Variants in METTL22 observed in about 807,000 individuals in gnomAD.
METTL22 encodes the protein methyltransferase-like protein 22.
A neutral mutation model predicts 48.4 loss-of-function variants in METTL22; 51 were observed. The ratio of observed to expected loss-of-function variants is 1.05; its 90% confidence interval spans 0.84 to 1.33. The LOEUF (loss-of-function observed/expected upper bound fraction) is 1.33, where lower values mean the gene tolerates loss of function less well. Ranked by LOEUF, METTL22 falls within the 40% of genes most tolerant of loss-of-function variation. The pLI is 0.00. For synonymous variants in METTL22, 255 were observed against 214.1 expected, an observed-to-expected ratio of 1.19 and a Z score of -1.67; for missense variants, 678 against 526.9, an observed-to-expected ratio of 1.29 and a Z score of -2.81.
At chr16:8,638,377 C>G (rs908642097) in intron 5 of METTL22, among the ~76,000 whole-genome samples, 6 of 152,154 alleles carry the variant, frequency 3.9e-5, no homozygotes, top group African/African-American at 1.4e-4. Flanking sequence ...TTTCTACATG[C>G]ACATTCTTCT....
At chr16:8,636,625 C>G (rs1623191) in intron 5 of METTL22, among the ~76,000 whole-genome samples, 146,960 of 148,812 alleles carry the variant, frequency 0.99, 72,597 homozygotes, top group Middle Eastern at 1. Context: ...TTTGGCCATT[C>G]CTATGGGTTT....
chr16:8,665,177 A>C, the METTL22 span, among the ~76,000 whole-genome samples: 1 of 152,176 alleles, frequency 6.6e-6, no homozygotes, highest in Non-Finnish European at 1.5e-5. Flanking sequence ...ATAGTGGTGC[A>C]CATCTGTAGA....
At chr16:8,631,342 G>A (rs959769898) in intron 3 of METTL22, 3 of 152,192 alleles carry the variant, frequency 2.0e-5, no homozygotes, top group African/African-American at 7.2e-5. Context: ...CCCCACTGTA[G>A]AAATAAAGTG....
At chr16:8,655,261 T>C in the METTL22 span, among the ~76,000 whole-genome samples, 1 of 152,218 alleles carries the variant, frequency 6.6e-6, no homozygotes, top group Admixed American at 6.5e-5. Flanking sequence ...TGTGGTCTCA[T>C]CTGAAGGTTC....
At chr16:8,622,423 G>A (rs2055884371) in intron 1 of METTL22, among the ~76,000 whole-genome samples, 2 of 152,132 alleles carry the variant, frequency 1.3e-5, no homozygotes, top group African/African-American at 2.4e-5. Context: ...CCAAGAACAC[G>A]TTAGCTCCTG....
downstream of METTL22, among the ~76,000 whole-genome samples, chr16:8,651,319 G>A (rs576367857): frequency 7.5e-4 from 106 of 141,008 alleles, 1 homozygote; most frequent in Admixed American, 3.6e-3. Context: ...CCCGGGAGGC[G>A]GAGCTTGCAG....
At chr16:8,666,109 G>A in the METTL22 span, among the ~76,000 whole-genome samples, 2 of 152,288 alleles carry the variant, frequency 1.3e-5, no homozygotes, top group African/African-American at 4.8e-5. Flanking sequence ...CACCCTGAGG[G>A]TGTTCTTTGG....
the METTL22 span, among the ~76,000 whole-genome samples, chr16:8,662,727 A>G: frequency 7.0e-6 from 1 of 143,862 alleles, no homozygotes; most frequent in Admixed American, 7.1e-5. Context: ...CAGAGGCAAT[A>G]AAGCTTGATG....
At chr16:8,651,771 A>T (rs1278147707), downstream of METTL22, among the ~76,000 whole-genome samples, 2 of 152,194 alleles carry the variant, frequency 1.3e-5, no homozygotes, top group Non-Finnish European at 2.9e-5. Flanking sequence ...GAGAGAGAGA[A>T]AAGTCATGCT....
intron 1 of METTL22, among the ~76,000 whole-genome samples, chr16:8,622,600 TTTTC>T (rs1360836644): frequency 7.2e-5 from 11 of 152,238 alleles, no homozygotes; most frequent in African/African-American, 2.4e-4. Context: ...CTGTTACCTT[TTTTC>T]TTTCTTCCCA....
At chr16:8,644,475 A>T (rs1176537532) in intron 9 of METTL22, 82 bp from the exon 10 acceptor site, 7 of 1,389,632 alleles carry the variant, frequency 5.0e-6, no homozygotes, top group Non-Finnish European at 6.9e-6. Context: ...TCAGTGAGGG[A>T]TAGGAAAGCA....
chr16:8,644,499 C>T, intron 9 of METTL22, 58 bp from the exon 10 acceptor site: 1 of 1,491,134 alleles, frequency 6.7e-7, no homozygotes, highest in Non-Finnish European at 9.0e-7. Flanking sequence ...TGGGCAGAAA[C>T]AGCAAAACCC....
chr16:8,646,367 T>G lies in METTL22; in HGVS notation c.*224T>G. On this transcript the variant is annotated 3_prime_UTR_variant, in exon 11 of 11. Coordinates refer to ENST00000381920, the MANE Select transcript of METTL22 (RefSeq NM_024109.4). ...CTGGAGGTCACTTTAGTTGCCTGTT[T>G]CTCATGGTTGTGATGTGTGCTCCAG... 1 of 707,490 alleles carries G rather than the reference T, an allele frequency of 1.4e-6. No individual in the cohort carries two copies. Among genetic ancestry groups the G allele is most frequent in the Non-Finnish European group, 2.6e-6 (1 of 391,594 alleles). The allele number at this position is 707,490 out of a possible 1,614,324, so 43.8% of individuals were successfully genotyped here. A position where few individuals can be genotyped will look rare whatever the true frequency, so the allele number is the denominator to read the frequency against.
chr16:8,656,542 G>T, the METTL22 span, among the ~76,000 whole-genome samples: 4 of 152,382 alleles, frequency 2.6e-5, no homozygotes, highest in South Asian at 8.3e-4. Context: ...CTGCTTCTGA[G>T]AAAACAGCTG....
chr16:8,661,264 A>C, the METTL22 span, among the ~76,000 whole-genome samples: 4 of 151,514 alleles, frequency 2.6e-5, no homozygotes, highest in East Asian at 3.9e-4. Flanking sequence ...CTAACCTGCT[A>C]TACATTGTAC....
intron 1 of METTL22, among the ~76,000 whole-genome samples, chr16:8,623,331 G>T (rs143886969): frequency 4.0e-4 from 60 of 149,062 alleles, no homozygotes; most frequent in African/African-American, 1.5e-3. Context: ...AAAAAAATGC[G>T]CTATGGCAAA....
At position 8,646,958 on chromosome 16, in the gene METTL22, T is replaced by C. The variant is rs1032589860; in HGVS notation, c.*815T>C. 6.8e-5 allele frequency: 23 copies of C among 335,908 alleles called. No homozygotes were observed. The highest frequency in any genetic ancestry group is 1.3e-4 in the Non-Finnish European group (22 of 170,676). 20.8% of individuals were successfully genotyped at this position (335,908 alleles called of 1,614,324 possible). A position where few individuals can be genotyped will look rare whatever the true frequency, so the allele number is the denominator to read the frequency against. ...TCCTGTCATCCTCTATGTCCCACTGTCTCTCTCCTTCTCTCCAGTTTTGGT... is the reference window on the plus strand; with the variant it reads ...TCCTGTCATCCTCTATGTCCCACTGCCTCTCTCCTTCTCTCCAGTTTTGGT... On this transcript the variant is annotated 3_prime_UTR_variant, in exon 11 of 11. Transcript: ENST00000381920.
intron 3 of METTL22, among the ~76,000 whole-genome samples, chr16:8,634,266 G>A (rs1303350024): frequency 6.6e-6 from 1 of 152,146 alleles, no homozygotes; most frequent in African/African-American, 2.4e-5. Context: ...CCTGGTTCGG[G>A]GACAGACAGA....
At chr16:8,625,860 T>C in intron 2 of METTL22, 62 bp downstream of exon 2, 1 of 1,589,398 alleles carries the variant, frequency 6.3e-7, no homozygotes, top group East Asian at 2.2e-5. Flanking sequence ...CTCATACTCA[T>C]CTTTTTGGGG....
Sources: allele counts gnomAD v4.1 joint callset (sites outside exome capture counted in the v4.1 genomes callset), GRCh38; gene constraint gnomAD v4.1.1; transcripts MANE v1.5; gene names NCBI Gene and HGNC (gene_info 2026-07-23, HGNC 2026-07-21).